The following CPA6 variants were observed in gnomAD, a reference collection of about 807,000 sequenced individuals.
CPA6 encodes carboxypeptidase A6.
In CPA6, 58 loss-of-function variants were observed where a neutral mutation model predicts 63.3. That is an observed-to-expected ratio of 0.92 (90% CI 0.74 to 1.14). The LOEUF (loss-of-function observed/expected upper bound fraction) is 1.14, where lower values mean the gene tolerates loss of function less well. CPA6 is among the 50% of genes most tolerant of loss of function. CPA6 has a pLI of 0.00. For missense variants in CPA6, 565 were observed against 526.6 expected, an observed-to-expected ratio of 1.07 and a Z score of -0.71; for synonymous variants, 185 against 179.0, an observed-to-expected ratio of 1.03 and a Z score of -0.27.
intron 3 of CPA6, among the ~76,000 whole-genome samples, chr8:67,512,948 A>G (rs913609588): frequency 2.0e-5 from 3 of 152,248 alleles, no homozygotes; most frequent in African/African-American, 7.2e-5. Context: ...CATACTGGGT[A>G]TAGGACATTC....
chr8:67,472,720 G>T (rs1048720015), intron 8 of CPA6, among the ~76,000 whole-genome samples: 10 of 152,112 alleles, frequency 6.6e-5, no homozygotes, highest in African/African-American at 2.4e-4. Flanking sequence ...GAACCATTGC[G>T]CCTGGCTTGT....
At chr8:67,675,230 A>G (rs1292149081) in intron 1 of CPA6, among the ~76,000 whole-genome samples, 1 of 152,144 alleles carries the variant, frequency 6.6e-6, no homozygotes, top group African/African-American at 2.4e-5. Flanking sequence ...AGATACAACC[A>G]TAGCAGTACT....
intron 1 of CPA6, among the ~76,000 whole-genome samples, chr8:67,686,822 GA>G (rs1816718218): frequency 6.6e-6 from 1 of 152,176 alleles, no homozygotes; most frequent in Admixed American, 6.5e-5. Flanking sequence ...GCTTCTGAAA[GA>G]GATAAAAGAA....
chr8:67,464,073 T>C (rs1810873141), intron 8 of CPA6, among the ~76,000 whole-genome samples: 2 of 152,240 alleles, frequency 1.3e-5, no homozygotes, highest in African/African-American at 4.8e-5. Flanking sequence ...TTCTAAGTTC[T>C]TTGAGAAATC....
intron 1 of CPA6, among the ~76,000 whole-genome samples, chr8:67,664,477 C>G (rs902697188): frequency 2.0e-5 from 3 of 152,184 alleles, no homozygotes; most frequent in African/African-American, 4.8e-5. Context: ...TGTAGCAATA[C>G]AGAGAGAGGG....
chr8:67,638,742 G>C (rs407497), intron 1 of CPA6, among the ~76,000 whole-genome samples: 2 of 151,578 alleles, frequency 1.3e-5, no homozygotes, highest in Admixed American at 6.6e-5. Flanking sequence ...TGGTCCTTTA[G>C]AGTTTCCCAT....
At chr8:67,492,783 C>T (rs752719729) in intron 6 of CPA6, among the ~76,000 whole-genome samples, 40 of 151,976 alleles carry the variant, frequency 2.6e-4, no homozygotes, top group Admixed American at 1.9e-3. Flanking sequence ...TATTAGGTAG[C>T]GGAGTACAAC....
intron 6 of CPA6, among the ~76,000 whole-genome samples, chr8:67,502,006 T>C (rs1811838739): frequency 6.6e-6 from 1 of 152,222 alleles, no homozygotes; most frequent in African/African-American, 2.4e-5. Context: ...TTTGTCTACG[T>C]TGTCAAATTT....
At chr8:67,549,909 C>T in intron 2 of CPA6, among the ~76,000 whole-genome samples, 1 of 152,170 alleles carries the variant, frequency 6.6e-6, no homozygotes. Flanking sequence ...TAAGTTGCTT[C>T]CATGTTGTGG....
intron 8 of CPA6, among the ~76,000 whole-genome samples, chr8:67,458,639 AC>A (rs1810731341): frequency 6.6e-6 from 1 of 152,260 alleles, no homozygotes; most frequent in Admixed American, 6.5e-5. Context: ...ATGGGAGAGA[AC>A]ATTTGCAAAA....
intron 1 of CPA6, among the ~76,000 whole-genome samples, chr8:67,650,382 C>T (rs1815809029): frequency 6.6e-6 from 1 of 152,112 alleles, no homozygotes; most frequent in Non-Finnish European, 1.5e-5. Context: ...CTGCAGTTCT[C>T]TTAGCTCTAT....
chr8:67,474,977 G>C (rs1451472728), intron 8 of CPA6, among the ~76,000 whole-genome samples: 1 of 152,130 alleles, frequency 6.6e-6, no homozygotes, highest in Non-Finnish European at 1.5e-5. Flanking sequence ...CTGGGCAACA[G>C]AGCTAGATCC....
chr8:67,531,611 A>G (rs1812479383), intron 2 of CPA6, among the ~76,000 whole-genome samples: 1 of 152,168 alleles, frequency 6.6e-6, no homozygotes, highest in African/African-American at 2.4e-5. Context: ...CAAACCACTC[A>G]ATTTACCAGG....
intron 3 of CPA6, among the ~76,000 whole-genome samples, chr8:67,516,448 A>G (rs1417950603): frequency 6.6e-6 from 1 of 152,086 alleles, no homozygotes. Context: ...AAATACACCA[A>G]GATTTCCCCC....
chr8:67,710,966 T>C (rs1817247820), intron 1 of CPA6, among the ~76,000 whole-genome samples: 1 of 152,218 alleles, frequency 6.6e-6, no homozygotes, highest in African/African-American at 2.4e-5. Context: ...AGTAATGCTC[T>C]CCATAGTATA....
chr8:67,486,069 G>A (rs1441047251), intron 6 of CPA6, among the ~76,000 whole-genome samples: 1 of 152,164 alleles, frequency 6.6e-6, no homozygotes, highest in Non-Finnish European at 1.5e-5. Context: ...GGTTGTTTTT[G>A]TCACTAATGT....
intron 1 of CPA6, among the ~76,000 whole-genome samples, chr8:67,694,277 A>G (rs1816868921): frequency 6.6e-6 from 1 of 152,228 alleles, no homozygotes; most frequent in South Asian, 2.1e-4. Context: ...GCAGGCCTGT[A>G]TAGGTAAATC....
chr8:67,532,749 C>T (rs970926868), intron 2 of CPA6, among the ~76,000 whole-genome samples: 2 of 152,100 alleles, frequency 1.3e-5, no homozygotes, highest in Non-Finnish European at 2.9e-5. Flanking sequence ...ATATAACCTA[C>T]AAAGTTGGCT....
At chr8:67,441,276 G>A (rs2128953823) in intron 8 of CPA6, among the ~76,000 whole-genome samples, 1 of 152,292 alleles carries the variant, frequency 6.6e-6, no homozygotes, top group East Asian at 1.9e-4. Flanking sequence ...TAAGAATTAA[G>A]CTATTAAAGA....
Sources: gnomAD v4.1 joint callset for allele counts (sites outside exome capture counted in the v4.1 genomes callset) on GRCh38, gnomAD v4.1.1 for gene constraint, MANE v1.5 for transcripts, NCBI Gene and HGNC (gene_info 2026-07-23, HGNC 2026-07-21) for gene names.